SLC44A5: variants seen among roughly 807,000 people sequenced by gnomAD.
The protein encoded by SLC44A5 is solute carrier family 44 member 5.
SLC44A5 carries 57 observed loss-of-function variants against 101.8 expected under a neutral mutation model. That is an observed-to-expected ratio of 0.56 (90% CI 0.45 to 0.70). The LOEUF (loss-of-function observed/expected upper bound fraction) is 0.70. Among genes scored for constraint, SLC44A5 ranks in the 30% least tolerant of loss-of-function variants. SLC44A5 has a pLI of 0.00. For synonymous variants in SLC44A5, 281 were observed against 290.9 expected (o/e 0.97, Z 0.35); for missense variants, 737 against 853.1 (o/e 0.86, Z 1.70).
intron 2 of SLC44A5, among the ~76,000 whole-genome samples, chr1:75,452,225 G>A (rs1386192202): frequency 6.6e-6 from 1 of 152,166 alleles, no homozygotes; most frequent in Non-Finnish European, 1.5e-5. Context: ...TACAAGCCAG[G>A]AGAGATTGAG....
At position 75,284,299 on chromosome 1, in the gene SLC44A5, G is replaced by C. The variant is rs75153863; in HGVS notation, c.176-9257C>G. ...GATTGAGTTCTTGATTTGATTCTCA[G>C]TTTGGTCACTTTGTGTATAGCAGTG... On this transcript the variant is annotated intron_variant, in intron 5 of 23. Coordinates refer to ENST00000370859, the MANE Select transcript of SLC44A5 (RefSeq NM_001130058.2). Among the ~76,000 whole-genome samples, 1,304 of 152,188 alleles carry C rather than the reference G, an allele frequency of 8.6e-3. 19 individuals are homozygous for C. Among genetic ancestry groups the C allele is most frequent in the African/African-American group, 0.03 (1,251 of 41,538 alleles).
intron 2 of SLC44A5, among the ~76,000 whole-genome samples, chr1:75,455,639 G>C (rs1666144250): frequency 6.6e-6 from 1 of 151,888 alleles, no homozygotes; most frequent in South Asian, 2.1e-4. Flanking sequence ...CTAATATTCA[G>C]AATCAATAAC....
intron 3 of SLC44A5, among the ~76,000 whole-genome samples, chr1:75,391,469 C>G (rs1037507216): frequency 3.3e-5 from 5 of 152,152 alleles, no homozygotes; most frequent in African/African-American, 4.8e-5. Flanking sequence ...TAATTTCAAA[C>G]TATACTATAA....
the SLC44A5 span, among the ~76,000 whole-genome samples, chr1:75,717,236 T>C: frequency 6.8e-6 from 1 of 147,250 alleles, no homozygotes; most frequent in South Asian, 2.2e-4. Flanking sequence ...AGCTACTCCG[T>C]AGGCTGAGGC....
At chr1:75,491,731 GCA>G (rs35416517) in intron 2 of SLC44A5, among the ~76,000 whole-genome samples, 1,878 of 147,582 alleles carry the variant, frequency 0.013, 17 homozygotes, top group Admixed American at 0.031. Flanking sequence ...ACGCACGCAC[GCA>G]CACACACACA....
chr1:75,698,704 C>T, the SLC44A5 span, among the ~76,000 whole-genome samples: 38,010 of 151,908 alleles, frequency 0.25, 5,087 homozygotes, highest in Non-Finnish European at 0.3. Flanking sequence ...CAAATTACTC[C>T]GAGCTACAGG....
chr1:75,541,487 A>G lies in SLC44A5; in HGVS notation c.-40T>C. On this transcript the variant is annotated 5_prime_UTR_variant, in exon 2 of 24. Transcript: ENST00000370859. ...GTCTCTTCAGAAGTAGGCCTGAATCACTGCAAACTTGAGTTGCTTAGAAAA... is the reference window on the plus strand; with the variant it reads ...GTCTCTTCAGAAGTAGGCCTGAATCGCTGCAAACTTGAGTTGCTTAGAAAA... 1 of 1,607,882 alleles carries G rather than the reference A, an allele frequency of 6.2e-7. No homozygotes were observed. Among genetic ancestry groups the G allele is most frequent in the South Asian group, 1.1e-5 (1 of 90,022 alleles).
Position 75,203,304 on chromosome 1 carries a change from T to C in SLC44A5, c.*423A>G, listed in dbSNP as rs1009666780. 1 of 152,654 alleles carries C rather than the reference T, an allele frequency of 6.6e-6. No individual in the cohort carries two copies. The highest frequency in any genetic ancestry group is 2.4e-5 in the African/African-American group (1 of 41,478). The allele number at this position is 152,654 out of a possible 1,614,324, so 9.5% of individuals were successfully genotyped here. A position where few individuals can be genotyped will look rare whatever the true frequency, so the allele number is the denominator to read the frequency against. On this transcript the variant is annotated 3_prime_UTR_variant, in exon 24 of 24. Transcript: ENST00000370859. ...TGTCCAACGAGAGTGGGAAAAACTT[T>C]AAAATTTTTAATTTCACTTTGCTGA...
At chr1:75,460,595 T>A (rs1250952828) in intron 2 of SLC44A5, among the ~76,000 whole-genome samples, 1 of 152,226 alleles carries the variant, frequency 6.6e-6, no homozygotes, top group Non-Finnish European at 1.5e-5. Context: ...TGGGTCTTTA[T>A]GCAGCTGTGG....
the SLC44A5 span, among the ~76,000 whole-genome samples, chr1:75,680,973 A>G: frequency 3.4e-4 from 52 of 150,868 alleles, no homozygotes; most frequent in African/African-American, 1.2e-3. Context: ...ATCAGAGAAT[A>G]CTACAAACAC....
At chr1:75,238,005 C>T (rs1648258489) in intron 10 of SLC44A5, among the ~76,000 whole-genome samples, 1 of 151,732 alleles carries the variant, frequency 6.6e-6, no homozygotes, top group South Asian at 2.1e-4. Context: ...GTGTGTAGAG[C>T]CAAGGGACGT....
intron 23 of SLC44A5, among the ~76,000 whole-genome samples, chr1:75,204,090 G>A (rs1646708739): frequency 6.6e-6 from 1 of 152,116 alleles, no homozygotes; most frequent in Non-Finnish European, 1.5e-5. Context: ...AATATTGCGT[G>A]TCTCTCAGTT....
intron 1 of SLC44A5, among the ~76,000 whole-genome samples, chr1:75,588,055 A>G (rs1429761669): frequency 1.3e-5 from 2 of 152,180 alleles, no homozygotes. Flanking sequence ...AAGAAAAAGG[A>G]GTGTAGAGAA....
intron 2 of SLC44A5, among the ~76,000 whole-genome samples, chr1:75,439,158 T>A (rs1215078629): frequency 6.6e-6 from 1 of 151,980 alleles, no homozygotes; most frequent in Admixed American, 6.6e-5. Flanking sequence ...GGGAGTGGAT[T>A]CCATATAAAA....
chr1:75,255,001 T>C (rs1171838802), intron 6 of SLC44A5, among the ~76,000 whole-genome samples: 1 of 152,184 alleles, frequency 6.6e-6, no homozygotes, highest in East Asian at 1.9e-4. Flanking sequence ...GCCCATGACC[T>C]GTGGGTTGCA....
At chr1:75,218,807 A>G (rs2100493881) in intron 16 of SLC44A5, 55 bp from the exon 17 acceptor site, 1 of 1,513,140 alleles carries the variant, frequency 6.6e-7, no homozygotes, top group South Asian at 1.3e-5. Flanking sequence ...CTCCAAGATA[A>G]CAACTCCCTG....
chr1:75,491,730 C>T (rs970513102), intron 2 of SLC44A5, among the ~76,000 whole-genome samples: 7 of 141,942 alleles, frequency 4.9e-5, no homozygotes, highest in African/African-American at 1.1e-4. Context: ...CACGCACGCA[C>T]GCACACACAC....
chr1:75,300,484 C>G (rs1026785931), intron 5 of SLC44A5, 128 bp downstream of exon 5: 3 of 516,076 alleles, frequency 5.8e-6, no homozygotes, highest in Non-Finnish European at 9.6e-6. Context: ...GGCACATTTC[C>G]TCCAGGAAAG....
chr1:75,642,123 A>G, the SLC44A5 span: 1 of 1,022,448 alleles, frequency 9.8e-7, no homozygotes, highest in Non-Finnish European at 1.4e-6. Context: ...AATTGAAGTG[A>G]TATATATTAA....
Sources: allele counts gnomAD v4.1 joint callset (sites outside exome capture counted in the v4.1 genomes callset), GRCh38; gene constraint gnomAD v4.1.1; transcripts MANE v1.5; gene names NCBI Gene and HGNC (gene_info 2026-07-23, HGNC 2026-07-21).